SPTBN1: variants seen among roughly 807,000 people sequenced by gnomAD.
The protein encoded by SPTBN1 is spectrin beta chain, non-erythrocytic 1.
A neutral mutation model predicts 266.4 loss-of-function variants in SPTBN1; 32 were observed. The ratio of observed to expected loss-of-function variants is 0.12; its 90% CI spans 0.09 to 0.16. The LOEUF is 0.16. Ranked by LOEUF, SPTBN1 falls within the 10% of genes least tolerant of loss-of-function variation. The pLI, the probability that SPTBN1 is intolerant of heterozygous loss-of-function variation, is 1.00. For missense variants in SPTBN1, 2,296 were observed against 3,067.1 expected (o/e 0.75, Z 5.94); for synonymous variants, 1,336 against 1,162.2 (o/e 1.15, Z -3.04).
chr2:54,507,066 G>C (rs894856381), intron 1 of SPTBN1, among the ~76,000 whole-genome samples: 30 of 152,088 alleles, frequency 2.0e-4, no homozygotes, highest in African/African-American at 7.0e-4. Context: ...ATCTCACAAA[G>C]TACATTCTCA....
At chr2:54,663,810 G>A (rs1681202003) in intron 32 of SPTBN1, 1 of 152,224 alleles carries the variant, frequency 6.6e-6, no homozygotes, top group African/African-American at 2.4e-5. Flanking sequence ...TTGTTGACTT[G>A]CCTCATTTCC....
rs1410497559 is a variant in SPTBN1, at chr2:54,631,229, C to T, written c.3182C>T (p.Ala1061Val). ...LKNREASLGE[A>V]SKLQQFLRDL... The stretch of plus-strand genomic sequence containing the variant: ...AACCGAGAGGCCTCCCTGGGAGAGG[C>T]CAGCAAGCTGCAGCAGTTCCTACGG... Residue 1061 changes from alanine to valine, a missense_variant, in exon 16 of 36, where the codon GCC (alanine) becomes GTC (valine). By Grantham distance (64) the Ala-to-Val change is moderately conservative (BLOSUM62 0). Coordinates refer to ENST00000356805, the MANE Select transcript of SPTBN1 (RefSeq NM_003128.3). 1 of 1,614,058 alleles carries T rather than the reference C, an allele frequency of 6.2e-7. No homozygotes were observed. The highest frequency in any genetic ancestry group is 8.5e-7 in the Non-Finnish European group (1 of 1,180,024).
Position 54,626,255 on chromosome 2 carries a change from AG to A in SPTBN1, c.1644+23del. On this transcript the variant is annotated intron_variant, in intron 12 of 35. Coordinates refer to ENST00000356805, the MANE Select transcript of SPTBN1 (RefSeq NM_003128.3). This position sits in a 1 kb window ranked among gnomAD's most constrained non-coding sequence, Gnocchi z 4.7. ...TGAAGGTAAAACCTGACCGAAAGGA[AG>A]GACGACAGAGCTGATCCAACCAGGG... The A allele has an allele frequency of 6.2e-7, 1 of 1,604,332 alleles. No homozygotes were observed. The highest frequency in any genetic ancestry group is 8.5e-7 in the Non-Finnish European group (1 of 1,173,670).
chr2:54,590,025 A>T (rs1675562545), intron 2 of SPTBN1, among the ~76,000 whole-genome samples: 1 of 152,242 alleles, frequency 6.6e-6, no homozygotes, highest in South Asian at 2.1e-4. Flanking sequence ...ATAATGTTGT[A>T]ATATGTTACA....
chr2:54,498,721 C>G (rs1669100040), intron 1 of SPTBN1, among the ~76,000 whole-genome samples: 1 of 152,118 alleles, frequency 6.6e-6, no homozygotes, highest in Admixed American at 6.5e-5. Flanking sequence ...ATTGTCAATG[C>G]ATTTTTCTTA....
chr2:54,486,069 G>A (rs1264308696), intron 1 of SPTBN1, among the ~76,000 whole-genome samples: 17 of 150,060 alleles, frequency 1.1e-4, no homozygotes, highest in African/African-American at 3.2e-4. Context: ...CCCTCTGCCC[G>A]GCCAGCCACC....
chr2:54,508,063 A>G (rs1488438747), intron 1 of SPTBN1, among the ~76,000 whole-genome samples: 1 of 152,192 alleles, frequency 6.6e-6, no homozygotes, highest in Non-Finnish European at 1.5e-5. Context: ...AAGATCTTCT[A>G]TCCACTTAAA....
At chr2:54,627,649 A>T (rs1263459457) in intron 12 of SPTBN1, among the ~76,000 whole-genome samples, 2 of 152,240 alleles carry the variant, frequency 1.3e-5, no homozygotes, top group Non-Finnish European at 2.9e-5. Flanking sequence ...GATTTCTTTC[A>T]ACTTTGAAGT....
intron 2 of SPTBN1, among the ~76,000 whole-genome samples, chr2:54,580,193 G>GTT (rs1178938286): frequency 2.6e-5 from 4 of 152,176 alleles, no homozygotes; most frequent in Non-Finnish European, 4.4e-5. Flanking sequence ...CTGTGAAGCT[G>GTT]TTTCTTTAAA....
chr2:54,476,072 G>A (rs11887031), intron 1 of SPTBN1, among the ~76,000 whole-genome samples: 4,713 of 151,386 alleles, frequency 0.031, 250 homozygotes, highest in African/African-American at 0.11. Flanking sequence ...AGTTTATCAG[G>A]CAGGTTAGGC....
intron 2 of SPTBN1, among the ~76,000 whole-genome samples, chr2:54,568,155 CG>C (rs1357456759): frequency 1.3e-5 from 2 of 151,850 alleles, no homozygotes; most frequent in Non-Finnish European, 2.9e-5. Flanking sequence ...CTGAGGCGGG[CG>C]GATCACCAGA....
chr2:54,668,061 G>A (rs1681485365), intron 35 of SPTBN1, among the ~76,000 whole-genome samples: 1 of 152,214 alleles, frequency 6.6e-6, no homozygotes, highest in Non-Finnish European at 1.5e-5. Flanking sequence ...ATGTGAAAAA[G>A]CACCTTCTAG....
chr2:54,519,896 G>C (rs188948485), intron 1 of SPTBN1, among the ~76,000 whole-genome samples: 1 of 152,128 alleles, frequency 6.6e-6, no homozygotes, highest in Non-Finnish European at 1.5e-5. Context: ...TGACTGCGAA[G>C]GTTTGTGTCT....
At chr2:54,491,454 A>G (rs553688681) in intron 1 of SPTBN1, among the ~76,000 whole-genome samples, 1 of 152,358 alleles carries the variant, frequency 6.6e-6, no homozygotes, top group East Asian at 1.9e-4. Flanking sequence ...CTTATGTAAG[A>G]ATAACTTCTT....
intron 2 of SPTBN1, among the ~76,000 whole-genome samples, chr2:54,555,378 C>T (rs1399219171): frequency 6.6e-6 from 1 of 152,234 alleles, no homozygotes; most frequent in Non-Finnish European, 1.5e-5. Flanking sequence ...CACTTGTCCC[C>T]TGCACCCCTC....
intron 16 of SPTBN1, 104 bp downstream of exon 16, chr2:54,631,715 A>G (rs1572715210): frequency 1.4e-6 from 2 of 1,390,740 alleles, no homozygotes; most frequent in Non-Finnish European, 1.9e-6. Flanking sequence ...CCTGTATGGA[A>G]TTATATGGAT....
In SPTBN1 at chr2:54,669,549, C is replaced by T. The variant is rs1314429778; in HGVS notation, c.*980C>T. On this transcript the variant is annotated 3_prime_UTR_variant, in exon 36 of 36. Coordinates refer to ENST00000356805, the MANE Select transcript of SPTBN1 (RefSeq NM_003128.3). ...TCAAAATGACATTGATAGGAATGAA[C>T]TCCAGAGGCTGGGCCTGAACAGGGA... 6.6e-6 allele frequency: 1 copy of T among 152,662 alleles called. No homozygotes were observed. Among genetic ancestry groups the T allele is most frequent in the Non-Finnish European group, 1.5e-5 (1 of 68,048 alleles). 9.5% of individuals were successfully genotyped at this position (152,662 alleles called of 1,614,324 possible). A position where few individuals can be genotyped will look rare whatever the true frequency, so the allele number is the denominator to read the frequency against.
intron 4 of SPTBN1, among the ~76,000 whole-genome samples, chr2:54,613,508 G>A (rs923513045): frequency 1.3e-5 from 2 of 152,204 alleles, no homozygotes; most frequent in Non-Finnish European, 2.9e-5. Flanking sequence ...GGACTAGAAT[G>A]AGTTACAGGA....
chr2:54,562,116 T>C (rs193113867), intron 2 of SPTBN1, among the ~76,000 whole-genome samples: 1 of 152,348 alleles, frequency 6.6e-6, no homozygotes, highest in Admixed American at 6.5e-5. Flanking sequence ...ATTTGATGTT[T>C]TTTTCTCTGT....
Sources: gnomAD v4.1 joint callset for allele counts (sites outside exome capture counted in the v4.1 genomes callset) on GRCh38, gnomAD v4.1.1 for gene constraint, Gnocchi (gnomAD v3.1) non-coding constraint, MANE v1.5 for transcripts, NCBI Gene and HGNC (gene_info 2026-07-23, HGNC 2026-07-21) for gene names.